Variants in ARHGAP15 observed in about 807,000 individuals in gnomAD.
The protein encoded by ARHGAP15 is rho GTPase-activating protein 15.
ARHGAP15 carries 51 observed loss-of-function variants against 63.7 expected under a neutral mutation model. The observed-to-expected ratio is 0.80, with a 90% CI of 0.64 to 1.01. The LOEUF is 1.01. ARHGAP15 is among the 50% of genes least tolerant of loss of function. ARHGAP15 has a pLI of 0.00. For synonymous variants in ARHGAP15, 191 were observed against 193.8 expected, an observed-to-expected ratio of 0.99 and a Z score of 0.12; for missense variants, 560 against 564.6, an observed-to-expected ratio of 0.99 and a Z score of 0.08.
chr2:143,303,981 T>A (rs1447472160), intron 6 of ARHGAP15, among the ~76,000 whole-genome samples: 1 of 152,124 alleles, frequency 6.6e-6, no homozygotes, highest in Non-Finnish European at 1.5e-5. Flanking sequence ...TGTGGAGAAC[T>A]AGAAACACTT....
chr2:143,489,495 T>G (rs1692480098), intron 9 of ARHGAP15, among the ~76,000 whole-genome samples: 1 of 152,216 alleles, frequency 6.6e-6, no homozygotes, highest in Non-Finnish European at 1.5e-5. Flanking sequence ...TTGGGCTTGT[T>G]TCAGTTTTAG....
intron 8 of ARHGAP15, among the ~76,000 whole-genome samples, chr2:143,485,737 C>CT (rs1292045261): frequency 3.3e-5 from 5 of 152,114 alleles, no homozygotes; most frequent in Non-Finnish European, 7.3e-5. Context: ...ATATCCTACA[C>CT]AGAGGACAGG....
intron 6 of ARHGAP15, among the ~76,000 whole-genome samples, chr2:143,262,826 T>A (rs190955803): frequency 1.3e-5 from 2 of 152,278 alleles, no homozygotes; most frequent in East Asian, 3.9e-4. Flanking sequence ...TACTTACTAA[T>A]CCCTGTTAGA....
At chr2:143,655,876 G>A (rs909637636) in intron 12 of ARHGAP15, among the ~76,000 whole-genome samples, 2 of 151,828 alleles carry the variant, frequency 1.3e-5, no homozygotes, top group African/African-American at 2.4e-5. Context: ...CTCAGCATTC[G>A]GTACGTCCAT....
At chr2:143,368,020 C>A (rs1361070525) in intron 6 of ARHGAP15, among the ~76,000 whole-genome samples, 1 of 151,910 alleles carries the variant, frequency 6.6e-6, no homozygotes, top group African/African-American at 2.4e-5. Context: ...ATGTTTAGAC[C>A]TTTGGAGGTA....
chr2:143,673,905 T>C (rs1442345995), intron 12 of ARHGAP15, among the ~76,000 whole-genome samples: 2 of 150,682 alleles, frequency 1.3e-5, no homozygotes, highest in South Asian at 2.1e-4. Context: ...AGTTTCTTGA[T>C]ATTAAAAGTC....
chr2:143,213,398 A>C (rs1255220447), intron 3 of ARHGAP15, among the ~76,000 whole-genome samples: 1 of 152,104 alleles, frequency 6.6e-6, no homozygotes, highest in Non-Finnish European at 1.5e-5. Context: ...CTGTAATCCC[A>C]GCTACTCGGG....
chr2:143,339,106 C>G (rs1402892149), intron 6 of ARHGAP15, among the ~76,000 whole-genome samples: 6 of 151,934 alleles, frequency 3.9e-5, no homozygotes, highest in Admixed American at 3.9e-4. Flanking sequence ...AAAGGATATG[C>G]CCCTTAAATG....
chr2:143,708,316 G>A (rs1311007152), intron 13 of ARHGAP15, among the ~76,000 whole-genome samples: 1 of 152,112 alleles, frequency 6.6e-6, no homozygotes, highest in Non-Finnish European at 1.5e-5. Context: ...TATTATTACA[G>A]TATTTTATAG....
intron 8 of ARHGAP15, among the ~76,000 whole-genome samples, chr2:143,479,635 G>A (rs1691981210): frequency 6.6e-6 from 1 of 151,896 alleles, no homozygotes. Context: ...CAGCTCTCAA[G>A]TGACAAAGTT....
chr2:143,763,766 ATAT>A (rs1686855423), intron 13 of ARHGAP15, among the ~76,000 whole-genome samples: 1 of 148,386 alleles, frequency 6.7e-6, no homozygotes, highest in South Asian at 2.1e-4. Flanking sequence ...ATGTATATAA[ATAT>A]ATTTATATAC....
At chr2:143,413,527 G>A (rs988872520) in intron 6 of ARHGAP15, among the ~76,000 whole-genome samples, 1 of 152,154 alleles carries the variant, frequency 6.6e-6, no homozygotes, top group African/African-American at 2.4e-5. Flanking sequence ...ATCAATAACA[G>A]CTGTAATAAT....
intron 3 of ARHGAP15, among the ~76,000 whole-genome samples, chr2:143,203,229 T>A (rs1306331961): frequency 6.6e-6 from 1 of 152,130 alleles, no homozygotes; most frequent in Non-Finnish European, 1.5e-5. Flanking sequence ...TTGCTTTTCA[T>A]GTTCCAGATC....
intron 13 of ARHGAP15, among the ~76,000 whole-genome samples, chr2:143,746,853 T>C (rs1686184217): frequency 6.6e-6 from 1 of 152,208 alleles, no homozygotes; most frequent in South Asian, 2.1e-4. Flanking sequence ...AAATATGTTT[T>C]TGAGTAGCAT....
At chr2:143,192,539 G>A (rs956673727) in intron 2 of ARHGAP15, among the ~76,000 whole-genome samples, 1 of 152,186 alleles carries the variant, frequency 6.6e-6, no homozygotes, top group African/African-American at 2.4e-5. Flanking sequence ...TCTTACTTAT[G>A]TCTGTCTGCT....
chr2:143,511,876 C>T (rs1441807716), intron 9 of ARHGAP15, among the ~76,000 whole-genome samples: 1 of 152,188 alleles, frequency 6.6e-6, no homozygotes, highest in Admixed American at 6.5e-5. Context: ...AGTTAAATCT[C>T]TGATTTCCTT....
chr2:143,765,107 A>ATGTGTGTGTGTG (rs1491302215), intron 13 of ARHGAP15, among the ~76,000 whole-genome samples: 2 of 110,324 alleles, frequency 1.8e-5, no homozygotes, highest in African/African-American at 8.9e-5. Context: ...TGCCTCTAAA[A>ATGTGTGTGTGTG]TATGTGTGTG....
At chr2:143,522,867 G>A (rs2104992781) in intron 10 of ARHGAP15, among the ~76,000 whole-genome samples, 1 of 152,228 alleles carries the variant, frequency 6.6e-6, no homozygotes, top group South Asian at 2.1e-4. Context: ...CTATGTTATA[G>A]AACACTTTGT....
At chr2:143,385,653 T>C (rs1687254260) in intron 6 of ARHGAP15, among the ~76,000 whole-genome samples, 1 of 152,154 alleles carries the variant, frequency 6.6e-6, no homozygotes, top group Non-Finnish European at 1.5e-5. Flanking sequence ...GTAACCATTA[T>C]CTAGCCTGTA....
Sources: gnomAD v4.1 joint callset for allele counts (sites outside exome capture counted in the v4.1 genomes callset) on GRCh38, gnomAD v4.1.1 for gene constraint, MANE v1.5 for transcripts, NCBI Gene and HGNC (gene_info 2026-07-23, HGNC 2026-07-21) for gene names.